The following MAP3K9 variants were observed in gnomAD, a reference collection of about 807,000 sequenced individuals.
MAP3K9 encodes mitogen-activated protein kinase kinase kinase 9, also known as mixed lineage kinase 1 (tyr and ser/thr specificity).
Under a neutral mutation model 95.8 loss-of-function variants are expected in MAP3K9, and 46 were observed. The ratio of observed to expected loss-of-function variants is 0.48; its 90% CI spans 0.38 to 0.61. The LOEUF (loss-of-function observed/expected upper bound fraction) is 0.61, where lower values mean the gene tolerates loss of function less well. Among genes scored for constraint, MAP3K9 ranks in the 20% least tolerant of loss-of-function variants. The pLI is 0.00. For missense variants in MAP3K9, 1,296 were observed against 1,474.3 expected (o/e 0.88, Z 1.98); for synonymous variants, 533 against 593.8 (o/e 0.90, Z 1.49).
Position 70,798,955 on chromosome 14 carries a change from T to C in MAP3K9, c.820+1712A>G, listed in dbSNP as rs1046359888. On this transcript the variant is annotated intron_variant, in intron 2 of 11. Coordinates refer to ENST00000554752, the MANE Select transcript of MAP3K9 (RefSeq NM_001284230.2). ...ATACATATCTAATGTTCCATACCCT[T>C]ACAAGAAGGAGTTTTTCTATTATTA... 8.5e-5 allele frequency among the ~76,000 whole-genome samples: 13 copies of C among 152,244 alleles called. No individual in the cohort carries two copies. In the South Asian group the frequency reaches 2.5e-3, roughly 29 times the overall value.
chr14:70,750,425 T>C (rs1456832552), intron 3 of MAP3K9, among the ~76,000 whole-genome samples: 1 of 152,222 alleles, frequency 6.6e-6, no homozygotes, highest in Admixed American at 6.5e-5. Context: ...TGAGCTACTA[T>C]AGTGTTTAAA....
Position 70,801,137 on chromosome 14 carries a change from T to C in MAP3K9, c.407-57A>G. ...AAAAACATCTTGAAAACATCGTATT[T>C]AACCTTTCATTTACCTGAGTGGGTA... On this transcript the variant is annotated intron_variant, in intron 1 of 11. Coordinates refer to ENST00000554752, the MANE Select transcript of MAP3K9 (RefSeq NM_001284230.2). 12 of 1,515,918 alleles carry C rather than the reference T, an allele frequency of 7.9e-6. No homozygotes were observed. In the South Asian group the frequency reaches 8.8e-5, roughly 11 times the overall value. 93.9% of individuals were successfully genotyped at this position (1,515,918 alleles called of 1,614,324 possible).
At chr14:70,735,189 G>C (rs1166600505) in intron 9 of MAP3K9, among the ~76,000 whole-genome samples, 4 of 152,104 alleles carry the variant, frequency 2.6e-5, no homozygotes, top group Non-Finnish European at 4.4e-5. Flanking sequence ...AGCCCATATG[G>C]AAAGCCGGTA....
intron 2 of MAP3K9, chr14:70,765,325 G>A (rs1342004008): frequency 1.9e-5 from 8 of 414,870 alleles, no homozygotes; most frequent in East Asian, 1.4e-4. Flanking sequence ...GTGAGACTCC[G>A]TCTAAAAAAA....
Position 70,745,837 on chromosome 14 carries a change from A to G in MAP3K9, c.1326+2992T>C, listed in dbSNP as rs1012875032. Among the ~76,000 whole-genome samples, 5 of 152,218 alleles carry G rather than the reference A, an allele frequency of 3.3e-5. No individual in the cohort carries two copies. In the South Asian group the frequency reaches 8.3e-4, roughly 25 times the overall value. On this transcript the variant is annotated intron_variant, in intron 5 of 11. Transcript: ENST00000554752. ...CTAGGTACTCAGTGGTTGAATAACT[A>G]TTGAGTCAATAAATGAATGAAGAGA...
intron 8 of MAP3K9, 29 bp downstream of exon 8, chr14:70,738,216 G>T: frequency 6.3e-7 from 1 of 1,581,290 alleles, no homozygotes; most frequent in Admixed American, 1.8e-5. Flanking sequence ...CTTCAAGAGA[G>T]AAAGAATTTC....
intron 2 of MAP3K9, among the ~76,000 whole-genome samples, chr14:70,793,862 A>G (rs1447350441): frequency 6.6e-6 from 1 of 152,180 alleles, no homozygotes; most frequent in Admixed American, 6.5e-5. Context: ...TTGTTTCGTT[A>G]TGGCCTATGA....
Position 70,728,707 on chromosome 14 carries a change from C to G in MAP3K9, c.*1673G>C, listed in dbSNP as rs531946405. The G allele has an allele frequency of 1.3e-4, 20 of 152,342 alleles. No homozygotes were observed. Among genetic ancestry groups the G allele is most frequent in the African/African-American group, 4.3e-4 (18 of 41,586 alleles). The allele number at this position is 152,342 out of a possible 1,614,324, so 9.4% of individuals were successfully genotyped here. A position where few individuals can be genotyped will look rare whatever the true frequency, so the allele number is the denominator to read the frequency against. On this transcript the variant is annotated 3_prime_UTR_variant, in exon 12 of 12. Coordinates refer to ENST00000554752, the MANE Select transcript of MAP3K9 (RefSeq NM_001284230.2). ...GGGCTCATAAAGCAAGGAACAAGGT[C>G]ACCCCTTTAGTGACCCCAAGGCAGG...
At chr14:70,798,944 T>G (rs889713283) in intron 2 of MAP3K9, among the ~76,000 whole-genome samples, 1 of 152,162 alleles carries the variant, frequency 6.6e-6, no homozygotes, top group African/African-American at 2.4e-5. Flanking sequence ...ATATCTAATG[T>G]TCCATACCCT....
chr14:70,724,267 A>C lies in MAP3K9; in HGVS notation c.*6113T>G, dbSNP rs1020914013. On this transcript the variant is annotated 3_prime_UTR_variant, in exon 12 of 12. Transcript: ENST00000554752. Reference sequence around the variant, plus strand: ...GCTGCAGAGCCAGAAAGGCAGCCAGAGAACACCAAGGAAATGTCACACCCA... The same window carrying C: ...GCTGCAGAGCCAGAAAGGCAGCCAGCGAACACCAAGGAAATGTCACACCCA... The C allele has an allele frequency of 6.6e-6, 1 of 152,304 alleles. No homozygotes were observed. Among genetic ancestry groups the C allele is most frequent in the African/African-American group, 2.4e-5 (1 of 41,462 alleles). 9.4% of individuals were successfully genotyped at this position (152,304 alleles called of 1,614,324 possible).
rs145257772 is a variant in MAP3K9 at position 70,803,221 on chromosome 14, G to A, written c.407-2141C>T. ...TGCTTCCCGTACAGGCTGCAGAACC[G>A]TGAGCCAGTTAAACTTTTTTTCTTT... is the stretch of plus-strand genomic sequence containing the variant. On this transcript the variant is annotated intron_variant, in intron 1 of 11. Coordinates refer to ENST00000554752, the MANE Select transcript of MAP3K9 (RefSeq NM_001284230.2). 2.4e-3 allele frequency among the ~76,000 whole-genome samples: 367 copies of A among 151,552 alleles called. 2 individuals carry two copies. The highest frequency in any genetic ancestry group is 7.9e-3 in the African/African-American group (325 of 41,260).
rs141869536 is a variant in MAP3K9, at chr14:70,739,502, T to TCACACACACACACACACA, written c.1690+522_1690+539dup. Among the ~76,000 whole-genome samples the TCACACACACACACACACA allele has an allele frequency of 8.1e-5, 12 of 148,484 alleles. No homozygotes were observed. The East Asian group carries it at 2.4e-3, about 29-fold the overall frequency. ...AATTCATTCACATATAGGTGTATGT[T>TCACACACACACACACACA]CACACACACACACACACACACACAC... On this transcript the variant is annotated intron_variant, in intron 7 of 11. Coordinates refer to ENST00000554752, the MANE Select transcript of MAP3K9 (RefSeq NM_001284230.2).
intron 6 of MAP3K9, among the ~76,000 whole-genome samples, chr14:70,740,493 A>C (rs891135614): frequency 6.6e-6 from 1 of 152,206 alleles, no homozygotes; most frequent in African/African-American, 2.4e-5. Flanking sequence ...TATTCTAGGA[A>C]ATTTAACTTA....
rs141869536 is a variant in MAP3K9, at chr14:70,739,502, TCACA to T, written c.1690+536_1690+539del. Among the ~76,000 whole-genome samples, 132 of 148,482 alleles carry T rather than the reference TCACA, an allele frequency of 8.9e-4. 1 individual carries two copies. The highest frequency in any genetic ancestry group is 2.7e-3 in the African/African-American group (111 of 40,426). ...AATTCATTCACATATAGGTGTATGT[TCACA>T]CACACACACACACACACACACTTAC... is the stretch of plus-strand genomic sequence containing the variant. On this transcript the variant is annotated intron_variant, in intron 7 of 11. Coordinates refer to ENST00000554752, the MANE Select transcript of MAP3K9 (RefSeq NM_001284230.2).
chr14:70,749,001 C>T lies in MAP3K9; in HGVS notation c.1154G>A (p.Cys385Tyr), dbSNP rs1230073684. 1 of 1,613,048 alleles carries T rather than the reference C, an allele frequency of 6.2e-7. No homozygotes were observed. Among genetic ancestry groups the T allele is most frequent in the Non-Finnish European group, 8.5e-7 (1 of 1,179,500 alleles). The change falls in exon 5 of 12, where the codon TGC becomes TAC. Residue 385 changes from cysteine to tyrosine, a missense_variant. This residue lies in a region of MAP3K9 where 136 missense variants were observed against 221.5 expected (regional missense o/e 0.61). Transcript: ENST00000554752. The part of the protein sequence containing the change: ...PEPFAKLMED[C>Y]WNPDPHSRPS... ...TCGTGAGTGGGGATCAGGATTCCAG[C>T]AGTCTGAATAGAACATGTGAATACT...
chr14:70,794,059 G>T (rs777507074), intron 2 of MAP3K9, among the ~76,000 whole-genome samples: 1 of 152,198 alleles, frequency 6.6e-6, no homozygotes, highest in Non-Finnish European at 1.5e-5. Flanking sequence ...ACCAGAAGCA[G>T]CCAGGTTTGA....
chr14:70,788,861 T>G (rs987109946), intron 2 of MAP3K9, among the ~76,000 whole-genome samples: 5 of 151,974 alleles, frequency 3.3e-5, no homozygotes, highest in African/African-American at 1.2e-4. Flanking sequence ...ACCACAAAAC[T>G]CAAAATAAAA....
intron 2 of MAP3K9, among the ~76,000 whole-genome samples, chr14:70,797,070 CA>C: frequency 6.6e-6 from 1 of 152,298 alleles, no homozygotes; most frequent in East Asian, 1.9e-4. Flanking sequence ...GATAATAAAA[CA>C]TTTTAATAAG....
intron 3 of MAP3K9, among the ~76,000 whole-genome samples, chr14:70,756,456 A>T (rs1005412377): frequency 6.6e-6 from 1 of 152,198 alleles, no homozygotes; most frequent in African/African-American, 2.4e-5. Context: ...GTCCCCTCAA[A>T]TCCACCCTTC....
Sources: gnomAD v4.1 joint callset for allele counts (sites outside exome capture counted in the v4.1 genomes callset) on GRCh38, gnomAD v4.1.1 for gene constraint, gnomAD v4.1.1 regional missense constraint, MANE v1.5 for transcripts, NCBI Gene and HGNC (gene_info 2026-07-23, HGNC 2026-07-21) for gene names.